PTGER4: variants seen among roughly 807,000 people sequenced by gnomAD.
The protein encoded by PTGER4 is prostaglandin E2 receptor EP4 subtype.
Under a neutral mutation model 33.2 loss-of-function variants are expected in PTGER4, and 11 were observed. The ratio of observed to expected loss-of-function variants is 0.33; its 90% CI spans 0.21 to 0.55. PTGER4 has a LOEUF of 0.55. PTGER4 is among the 20% of genes least tolerant of loss of function. The pLI, the probability that PTGER4 is intolerant of heterozygous loss-of-function variation, is 0.92. For missense variants in PTGER4, 481 were observed against 650.2 expected (o/e 0.74, Z 2.83); for synonymous variants, 275 against 281.5 (o/e 0.98, Z 0.23).
chr5:40,710,842 T>C, the PTGER4 span, among the ~76,000 whole-genome samples: 1 of 151,726 alleles, frequency 6.6e-6, no homozygotes, highest in Admixed American at 6.6e-5. Context: ...AAACCAAACA[T>C]CACATGTTCT....
chr5:40,686,923 C>T (rs2111799715), intron 2 of PTGER4, among the ~76,000 whole-genome samples: 1 of 152,278 alleles, frequency 6.6e-6, no homozygotes, highest in Non-Finnish European at 1.5e-5. Context: ...ATTTAGAATA[C>T]TGTAATATGC....
At position 40,693,389 on chromosome 5, in the gene PTGER4, A is replaced by G. The variant is rs573257822; in HGVS notation, c.*1011A>G. The G allele has an allele frequency of 2.0e-6, 2 of 984,708 alleles. No individual in the cohort carries two copies. Among genetic ancestry groups the G allele is most frequent in the South Asian group, 4.7e-5 (1 of 21,280 alleles). The allele number at this position is 984,708 out of a possible 1,614,324, so 61.0% of individuals were successfully genotyped here. ...AGTTTTACTTTCCTAAGGAATTACCAAGAATATCCTTTAAAATTTAAAAGG... is the reference window on the plus strand; with the variant it reads ...AGTTTTACTTTCCTAAGGAATTACCGAGAATATCCTTTAAAATTTAAAAGG... On this transcript the variant is annotated 3_prime_UTR_variant, in exon 3 of 3. Coordinates refer to ENST00000302472, the MANE Select transcript of PTGER4 (RefSeq NM_000958.3).
intron 2 of PTGER4, 150 bp downstream of exon 2, chr5:40,682,010 C>T (rs908891485): frequency 1.9e-6 from 2 of 1,065,994 alleles, no homozygotes; most frequent in South Asian, 1.9e-5. Context: ...TTTCTCAGAG[C>T]AGGCCCAACC....
chr5:40,713,650 T>C, the PTGER4 span, among the ~76,000 whole-genome samples: 136 of 152,308 alleles, frequency 8.9e-4, no homozygotes, highest in African/African-American at 3.2e-3. Flanking sequence ...AGGCATGGTC[T>C]GGATGTCTAG....
chr5:40,707,842 C>T, the PTGER4 span, among the ~76,000 whole-genome samples: 3 of 152,180 alleles, frequency 2.0e-5, no homozygotes, highest in Non-Finnish European at 4.4e-5. Context: ...TCTCAGACCA[C>T]AGTGCAATCA....
the PTGER4 span, among the ~76,000 whole-genome samples, chr5:40,705,508 C>T: frequency 1.3e-5 from 2 of 152,092 alleles, no homozygotes; most frequent in Non-Finnish European, 2.9e-5. Context: ...TTCTGCACAG[C>T]AAAAGAAACT....
chr5:40,738,952 A>G, the PTGER4 span, among the ~76,000 whole-genome samples: 1 of 152,188 alleles, frequency 6.6e-6, no homozygotes, highest in Non-Finnish European at 1.5e-5. Flanking sequence ...AACAAGTCCT[A>G]CGTCAGATAT....
chr5:40,735,080 A>G, the PTGER4 span, among the ~76,000 whole-genome samples: 1 of 152,210 alleles, frequency 6.6e-6, no homozygotes, highest in Non-Finnish European at 1.5e-5. Context: ...TGTTTTGTGG[A>G]AAGGAAATAA....
the PTGER4 span, among the ~76,000 whole-genome samples, chr5:40,743,977 A>G: frequency 6.6e-5 from 10 of 152,344 alleles, no homozygotes; most frequent in South Asian, 6.2e-4. Flanking sequence ...TACAATGCTG[A>G]TATCTCTTCT....
At chr5:40,736,966 A>C in the PTGER4 span, among the ~76,000 whole-genome samples, 3 of 152,202 alleles carry the variant, frequency 2.0e-5, no homozygotes, top group Non-Finnish European at 2.9e-5. Flanking sequence ...TGTTAAAAAG[A>C]ATCATGAATA....
intron 2 of PTGER4, among the ~76,000 whole-genome samples, chr5:40,690,861 G>A (rs1703486208): frequency 6.6e-6 from 1 of 152,148 alleles, no homozygotes; most frequent in Admixed American, 6.5e-5. Context: ...TTAATAAAGT[G>A]CTTCTCAAGA....
At chr5:40,720,758 C>A in the PTGER4 span, among the ~76,000 whole-genome samples, 9 of 152,124 alleles carry the variant, frequency 5.9e-5, no homozygotes, top group Admixed American at 1.3e-4. Flanking sequence ...CTCATCAAAG[C>A]CAGAAGGGAG....
intron 2 of PTGER4, among the ~76,000 whole-genome samples, chr5:40,682,784 G>A (rs943182072): frequency 6.6e-6 from 1 of 152,178 alleles, no homozygotes; most frequent in African/African-American, 2.4e-5. Flanking sequence ...GGCCGTCTGA[G>A]GCCAGACCCA....
chr5:40,696,149 C>G (rs1451160872), downstream of PTGER4, among the ~76,000 whole-genome samples: 3 of 152,190 alleles, frequency 2.0e-5, no homozygotes, highest in African/African-American at 7.2e-5. Context: ...CAAATCATAG[C>G]TAGTCCTCTC....
At chr5:40,720,194 G>C in the PTGER4 span, among the ~76,000 whole-genome samples, 2 of 152,068 alleles carry the variant, frequency 1.3e-5, no homozygotes, top group Non-Finnish European at 2.9e-5. Flanking sequence ...CTTATGTTTA[G>C]GTCTTTGTTT....
the PTGER4 span, among the ~76,000 whole-genome samples, chr5:40,723,349 T>A: frequency 6.6e-6 from 1 of 151,882 alleles, no homozygotes; most frequent in Non-Finnish European, 1.5e-5. Flanking sequence ...TGTTCACATG[T>A]TTATCTGCTG....
At chr5:40,743,728 C>A in the PTGER4 span, among the ~76,000 whole-genome samples, 1 of 152,026 alleles carries the variant, frequency 6.6e-6, no homozygotes, top group East Asian at 1.9e-4. Context: ...GAGCCAAGAT[C>A]GCGCCACTGC....
At chr5:40,716,665 G>A in the PTGER4 span, among the ~76,000 whole-genome samples, 19 of 152,010 alleles carry the variant, frequency 1.2e-4, no homozygotes, top group African/African-American at 3.6e-4. Flanking sequence ...CTAAACACTG[G>A]GGAAAAAAAT....
rs1220205944 is a variant in PTGER4, at chr5:40,691,270, C to T, written c.868-509C>T. ...GATCTCAGCTCACTGCAACCTCCGCCTCCCAGGTTCAAATGATTCTCCTGC... is the reference window on the plus strand; with the variant it reads ...GATCTCAGCTCACTGCAACCTCCGCTTCCCAGGTTCAAATGATTCTCCTGC... On this transcript the variant is annotated intron_variant, in intron 2 of 2. Transcript: ENST00000302472. The surrounding 1 kb of genome is among the most constrained non-coding windows in gnomAD (Gnocchi z 4.2). 4.6e-5 allele frequency among the ~76,000 whole-genome samples: 7 copies of T among 152,244 alleles called. No individual in the cohort carries two copies. The highest frequency in any genetic ancestry group is 1.7e-4 in the African/African-American group (7 of 41,468).
Sources: gnomAD v4.1 joint callset for allele counts (sites outside exome capture counted in the v4.1 genomes callset) on GRCh38, gnomAD v4.1.1 for gene constraint, Gnocchi (gnomAD v3.1) non-coding constraint, MANE v1.5 for transcripts, NCBI Gene and HGNC (gene_info 2026-07-23, HGNC 2026-07-21) for gene names.